Variants in SPOCK1 observed in about 807,000 individuals in gnomAD.
The protein encoded by SPOCK1 is testican-1.
A neutral mutation model predicts 55.3 loss-of-function variants in SPOCK1; 23 were observed. The observed-to-expected ratio is 0.42, with a 90% CI of 0.30 to 0.59. SPOCK1 has a LOEUF of 0.59. Among genes scored for constraint, SPOCK1 ranks in the 20% least tolerant of loss-of-function variants. The pLI is 0.22. For synonymous variants in SPOCK1, 226 were observed against 221.0 expected (o/e 1.02, Z -0.20); for missense variants, 499 against 552.5 (o/e 0.90, Z 0.97).
chr5:137,291,725 G>T (rs1053418134), intron 2 of SPOCK1, among the ~76,000 whole-genome samples: 7 of 152,180 alleles, frequency 4.6e-5, no homozygotes, highest in Non-Finnish European at 7.4e-5. Context: ...TGGTGGAGAG[G>T]ACCTCTGTTT....
chr5:137,113,140 T>C (rs1753507909), intron 4 of SPOCK1, among the ~76,000 whole-genome samples: 1 of 152,258 alleles, frequency 6.6e-6, no homozygotes, highest in African/African-American at 2.4e-5. Context: ...TGAGGTGATG[T>C]CACTTTCAAC....
At chr5:137,134,011 C>T (rs983164312) in intron 4 of SPOCK1, among the ~76,000 whole-genome samples, 2 of 151,982 alleles carry the variant, frequency 1.3e-5, no homozygotes, top group Admixed American at 6.6e-5. Context: ...TACATCAGGC[C>T]CCTGGGAGCT....
chr5:137,191,854 C>A (rs1477562134), intron 3 of SPOCK1, among the ~76,000 whole-genome samples: 2 of 152,178 alleles, frequency 1.3e-5, no homozygotes, highest in African/African-American at 4.8e-5. Flanking sequence ...TGTCTGCATT[C>A]TACTTTCCAA....
chr5:137,022,214 C>T (rs954084170), intron 6 of SPOCK1, among the ~76,000 whole-genome samples: 7 of 152,162 alleles, frequency 4.6e-5, no homozygotes, highest in Non-Finnish European at 8.8e-5. Context: ...TGGACACTTG[C>T]CCTGGGAATC....
chr5:137,265,781 A>C (rs1248780954), intron 3 of SPOCK1, among the ~76,000 whole-genome samples: 2 of 152,154 alleles, frequency 1.3e-5, no homozygotes, highest in Non-Finnish European at 2.9e-5. Flanking sequence ...CTGTAGATTC[A>C]CATGCTTCCC....
At chr5:137,455,822 A>C (rs919605129) in intron 2 of SPOCK1, among the ~76,000 whole-genome samples, 11 of 152,098 alleles carry the variant, frequency 7.2e-5, no homozygotes, top group African/African-American at 2.7e-4. Context: ...TGAGCCCAAA[A>C]GTTCTAGACC....
chr5:137,094,887 T>G (rs931894890), intron 5 of SPOCK1, among the ~76,000 whole-genome samples: 1 of 152,250 alleles, frequency 6.6e-6, no homozygotes, highest in African/African-American at 2.4e-5. Context: ...TCTTTCAATA[T>G]GCCTTTGTCG....
rs993992218 is a variant in SPOCK1 at position 136,977,701 on chromosome 5, C to T, written c.*953G>A. 13 of 398,190 alleles carry T rather than the reference C, an allele frequency of 3.3e-5. No homozygotes were observed. The highest frequency in any genetic ancestry group is 4.4e-5 in the Non-Finnish European group (10 of 225,792). The allele number at this position is 398,190 out of a possible 1,614,324, so 24.7% of individuals were successfully genotyped here. ...GAAGCTGCCCGTGTCGTGTGGGAGTCGCATGGCTTCTGCGAGAAAAGTGAT... is the reference window on the plus strand; with the variant it reads ...GAAGCTGCCCGTGTCGTGTGGGAGTTGCATGGCTTCTGCGAGAAAAGTGAT... On this transcript the variant is annotated 3_prime_UTR_variant, in exon 11 of 11. Coordinates refer to ENST00000394945, the MANE Select transcript of SPOCK1 (RefSeq NM_004598.4).
chr5:137,225,937 C>T (rs1331032802), intron 3 of SPOCK1, among the ~76,000 whole-genome samples: 1 of 152,190 alleles, frequency 6.6e-6, no homozygotes, highest in Non-Finnish European at 1.5e-5. Context: ...CCAGAGAGCA[C>T]CAGAAATGGT....
chr5:137,329,168 G>A (rs1001990611), intron 2 of SPOCK1, among the ~76,000 whole-genome samples: 3 of 152,126 alleles, frequency 2.0e-5, no homozygotes, highest in African/African-American at 7.2e-5. Context: ...CTAGGGAAGA[G>A]GGAGCTCCTC....
intron 2 of SPOCK1, among the ~76,000 whole-genome samples, chr5:137,432,637 G>A (rs1248174427): frequency 6.6e-6 from 1 of 152,080 alleles, no homozygotes. Context: ...CTTCCATTAT[G>A]CAAGACGAAA....
Position 136,979,409 on chromosome 5 carries a change from C to G in SPOCK1, c.1052G>C (p.Ser351Thr), listed in dbSNP as rs1182343430. The change falls in exon 10 of 11, where the codon AGC (serine) becomes ACC (threonine). Residue 351 changes from serine to threonine, a missense_variant. Physicochemically the swap from Ser to Thr is moderately conservative, Grantham distance 58 (BLOSUM62 1). Transcript: ENST00000394945. ...GYYKATQCHG[S>T]TGQCWCVDKY... ...GTCCACACACCAGCACTGCCCCGTGCTGCCGTGGCACTGTGTGGCTTTGTA... is the reference window on the plus strand; with the variant it reads ...GTCCACACACCAGCACTGCCCCGTGGTGCCGTGGCACTGTGTGGCTTTGTA... The G allele has an allele frequency of 3.1e-6, 5 of 1,614,122 alleles. No individual in the cohort carries two copies. In the South Asian group the frequency reaches 4.4e-5, roughly 14 times the overall value.
rs867879274 is a variant in SPOCK1, at chr5:137,319,967, A to G, written c.187-52912T>C. Among the ~76,000 whole-genome samples, 560 of 151,836 alleles carry G rather than the reference A, an allele frequency of 3.7e-3. 12 individuals carry two copies. The highest frequency in any genetic ancestry group is 0.014 in the Middle Eastern group (4 of 294). On this transcript the variant is annotated intron_variant, in intron 2 of 10. Transcript: ENST00000394945. ...ACTCCGTCTCAAAAAAAAAAAAAAA[A>G]AAAAAACAACACATGATCCAAAAAG...
chr5:137,211,706 A>G (rs1442276835), intron 3 of SPOCK1, among the ~76,000 whole-genome samples: 1 of 152,118 alleles, frequency 6.6e-6, no homozygotes, highest in African/African-American at 2.4e-5. Context: ...TCGGCTGGAG[A>G]GAAGGGCTGC....
intron 2 of SPOCK1, among the ~76,000 whole-genome samples, chr5:137,459,392 G>A (rs1207254432): frequency 2.6e-5 from 4 of 151,620 alleles, no homozygotes; most frequent in Non-Finnish European, 5.9e-5. Context: ...TCAATGAAGA[G>A]GTGGTTCCAA....
At chr5:137,108,187 A>G (rs79587290) in intron 5 of SPOCK1, among the ~76,000 whole-genome samples, 1,700 of 152,302 alleles carry the variant, frequency 0.011, 12 homozygotes, top group Non-Finnish European at 0.016. Context: ...TTGAACCTCA[A>G]TAAATAAGTG....
chr5:137,045,214 G>GC (rs1395461376), intron 6 of SPOCK1, among the ~76,000 whole-genome samples: 3 of 143,606 alleles, frequency 2.1e-5, no homozygotes, highest in Non-Finnish European at 4.6e-5. Context: ...CTGAGGAATC[G>GC]CCACACTGAC....
At chr5:137,191,649 A>T (rs1185460172) in intron 3 of SPOCK1, among the ~76,000 whole-genome samples, 1 of 152,228 alleles carries the variant, frequency 6.6e-6, no homozygotes, top group Non-Finnish European at 1.5e-5. Context: ...TCAGTGGCCC[A>T]TCAGGTAAAA....
At chr5:137,156,528 C>G (rs1191598918) in intron 3 of SPOCK1, among the ~76,000 whole-genome samples, 1 of 151,936 alleles carries the variant, frequency 6.6e-6, no homozygotes, top group Non-Finnish European at 1.5e-5. Context: ...AAGCAGTGAC[C>G]TTCACTGAGC....
Sources: gnomAD v4.1 joint callset for allele counts (sites outside exome capture counted in the v4.1 genomes callset) on GRCh38, gnomAD v4.1.1 for gene constraint, MANE v1.5 for transcripts, NCBI Gene and HGNC (gene_info 2026-07-23, HGNC 2026-07-21) for gene names.